The following ARB2A variants were observed in gnomAD, a reference collection of about 807,000 sequenced individuals.
ARB2A encodes the protein ARB2 cotranscriptional regulator A.
At chr5:93,637,039 C>T in the ARB2A span, among the ~76,000 whole-genome samples, 2 of 152,298 alleles carry the variant, frequency 1.3e-5, no homozygotes, top group East Asian at 1.9e-4. Flanking sequence ...CACAAAGATT[C>T]GTCATATACT....
the ARB2A span, among the ~76,000 whole-genome samples, chr5:93,686,810 C>T: frequency 2.6e-5 from 4 of 151,680 alleles, no homozygotes; most frequent in South Asian, 2.1e-4. Flanking sequence ...CATTGTACTA[C>T]GTAATTCTAG....
chr5:93,741,133 TGCGAGTACCCTAG>T, the ARB2A span: 2 of 1,613,888 alleles, frequency 1.2e-6, no homozygotes, highest in Non-Finnish European at 1.7e-6. Flanking sequence ...CACATCGGCC[TGCGAGTACCCTAG>T]GCTCAACCTC....
the ARB2A span, among the ~76,000 whole-genome samples, chr5:93,996,130 C>T: frequency 6.6e-6 from 1 of 151,802 alleles, no homozygotes. Flanking sequence ...GAAACTATCA[C>T]TAATTAGGAA....
At chr5:93,843,964 T>C in the ARB2A span, among the ~76,000 whole-genome samples, 24 of 151,974 alleles carry the variant, frequency 1.6e-4, no homozygotes, top group African/African-American at 5.8e-4. Context: ...ATGAATGAAA[T>C]ATATATGTAT....
chr5:93,646,108 C>T, the ARB2A span, among the ~76,000 whole-genome samples: 25 of 151,972 alleles, frequency 1.6e-4, no homozygotes, highest in African/African-American at 6.0e-4. Context: ...TAAGATATAT[C>T]ATTTTGTAGT....
the ARB2A span, among the ~76,000 whole-genome samples, chr5:93,831,902 G>GCC: frequency 2.6e-5 from 4 of 152,032 alleles, no homozygotes; most frequent in Admixed American, 2.0e-4. Context: ...CTTGACTAAG[G>GCC]TCAAGCTGAA....
At chr5:93,944,514 G>A in the ARB2A span, among the ~76,000 whole-genome samples, 5 of 151,640 alleles carry the variant, frequency 3.3e-5, 2 homozygotes, top group South Asian at 1.0e-3. Context: ...AGCCCAGGAG[G>A]TCAAGGCTGC....
At chr5:93,949,519 C>T in the ARB2A span, among the ~76,000 whole-genome samples, 2 of 151,986 alleles carry the variant, frequency 1.3e-5, no homozygotes, top group Admixed American at 1.3e-4. Flanking sequence ...CGAGATCACG[C>T]CACTGCACTC....
chr5:93,743,596 A>T, the ARB2A span: 16 of 981,296 alleles, frequency 1.6e-5, no homozygotes, highest in Non-Finnish European at 1.9e-5. Context: ...TGAAAGCTGG[A>T]TCACAAAGAG....
chr5:93,947,648 T>C, the ARB2A span, among the ~76,000 whole-genome samples: 206 of 140,542 alleles, frequency 1.5e-3, no homozygotes, highest in African/African-American at 4.7e-3. Context: ...GTATATCTCC[T>C]AATGCTATCC....
the ARB2A span, among the ~76,000 whole-genome samples, chr5:93,882,947 T>C: frequency 6.6e-6 from 1 of 151,474 alleles, no homozygotes; most frequent in Admixed American, 6.6e-5. Context: ...AATTTTAAAT[T>C]TTTTGCCAAA....
chr5:94,011,852 C>A, the ARB2A span, among the ~76,000 whole-genome samples: 3 of 125,864 alleles, frequency 2.4e-5, 1 homozygote, highest in South Asian at 8.3e-4. Flanking sequence ...AGAGTGAATT[C>A]ATTTACCAAA....
chr5:93,813,207 T>C, the ARB2A span, among the ~76,000 whole-genome samples: 1 of 152,166 alleles, frequency 6.6e-6, no homozygotes, highest in Non-Finnish European at 1.5e-5. Context: ...AGGTCTCAGA[T>C]GAAAATGAGA....
the ARB2A span, chr5:93,619,577 GT>G: frequency 1.3e-5 from 2 of 152,136 alleles, no homozygotes; most frequent in African/African-American, 4.8e-5. Context: ...CATATTAATT[GT>G]TGCACACACT....
the ARB2A span, among the ~76,000 whole-genome samples, chr5:93,711,203 T>G: frequency 6.6e-6 from 1 of 151,184 alleles, no homozygotes; most frequent in Admixed American, 6.6e-5. Context: ...ATTTTTTTTT[T>G]TGTTTTTTTT....
At chr5:93,767,225 A>G in the ARB2A span, among the ~76,000 whole-genome samples, 1 of 152,196 alleles carries the variant, frequency 6.6e-6, no homozygotes, top group Non-Finnish European at 1.5e-5. Flanking sequence ...GGCTAAGGAT[A>G]TGAATAGACA....
chr5:93,676,226 T>C, the ARB2A span, among the ~76,000 whole-genome samples: 1 of 151,684 alleles, frequency 6.6e-6, no homozygotes, highest in Non-Finnish European at 1.5e-5. Flanking sequence ...AGTACAAGTA[T>C]CAAGAAAAAA....
At chr5:94,092,778 A>C in the ARB2A span, among the ~76,000 whole-genome samples, 2 of 152,180 alleles carry the variant, frequency 1.3e-5, no homozygotes, top group African/African-American at 4.8e-5. Context: ...GGATGAATAT[A>C]TATCTAATAG....
the ARB2A span, among the ~76,000 whole-genome samples, chr5:93,818,878 G>A: frequency 6.6e-6 from 1 of 152,290 alleles, no homozygotes; most frequent in East Asian, 1.9e-4. Context: ...AACAAATTTA[G>A]TTAGTAAAAG....
Sources: allele counts gnomAD v4.1 joint callset (sites outside exome capture counted in the v4.1 genomes callset), GRCh38; gene constraint gnomAD v4.1.1; transcripts MANE v1.5; gene names NCBI Gene and HGNC (gene_info 2026-07-23, HGNC 2026-07-21).